The following SLC6A12 variants were observed in gnomAD, a reference collection of about 807,000 sequenced individuals.
SLC6A12 encodes sodium- and chloride-dependent betaine transporter.
A neutral mutation model predicts 73.3 loss-of-function variants in SLC6A12; 50 were observed. That is an observed-to-expected ratio of 0.68 (90% confidence interval 0.54 to 0.86). The LOEUF (loss-of-function observed/expected upper bound fraction) is 0.86, where lower values mean the gene tolerates loss of function less well. Among genes scored for constraint, SLC6A12 ranks in the 40% least tolerant of loss-of-function variants. SLC6A12 has a pLI of 0.00. For synonymous variants in SLC6A12, 304 were observed against 309.2 expected, an observed-to-expected ratio of 0.98 and a Z score of 0.18; for missense variants, 648 against 772.8, an observed-to-expected ratio of 0.84 and a Z score of 1.92.
rs746796087 is a variant in SLC6A12, at chr12:213,642, C to T, written c.-143+280G>A. ...TCAGATGACCACCCCTGCTTTCACCCACTGCCGTGACCAGCTGCCCATCGC... is the reference window on the plus strand; with the variant it reads ...TCAGATGACCACCCCTGCTTTCACCTACTGCCGTGACCAGCTGCCCATCGC... On this transcript the variant is annotated intron_variant, in intron 1 of 15. Transcript: ENST00000684302. The surrounding 1 kb of genome is among the most constrained non-coding windows in gnomAD (Gnocchi z 5.3). 2 of 153,014 alleles carry T rather than the reference C, an allele frequency of 1.3e-5. No homozygotes were observed. The highest frequency in any genetic ancestry group is 1.5e-5 in the Non-Finnish European group (1 of 68,636). The allele number at this position is 153,014 out of a possible 1,614,324, so 9.5% of individuals were successfully genotyped here.
In SLC6A12 at chr12:190,842, G is replaced by A. The variant is rs148840380; in HGVS notation, c.*226C>T. 0.022 allele frequency: 8,013 copies of A among 371,616 alleles called. 132 individuals are homozygous for A. The highest frequency in any genetic ancestry group is 0.077 in the Middle Eastern group (112 of 1,448). 23.0% of individuals were successfully genotyped at this position (371,616 alleles called of 1,614,324 possible). A position where few individuals can be genotyped will look rare whatever the true frequency, so the allele number is the denominator to read the frequency against. ...ATGGTGCCTTCCCACAGGGAGTGGC[G>A]TCCCAACATGGCACGTCCCAGTGGT... On this transcript the variant is annotated 3_prime_UTR_variant, in exon 16 of 16. Coordinates refer to ENST00000684302, the MANE Select transcript of SLC6A12 (RefSeq NM_001122848.3).
At chr12:185,384 G>A (rs775615972), downstream of SLC6A12, among the ~76,000 whole-genome samples, 2 of 152,250 alleles carry the variant, frequency 1.3e-5, no homozygotes, top group Non-Finnish European at 2.9e-5. Context: ...GATGGGGACT[G>A]AGTCCTGCTT....
chr12:210,246 G>T, intron 2 of SLC6A12: 1 of 1,132,538 alleles, frequency 8.8e-7, no homozygotes, highest in Non-Finnish European at 1.2e-6. Flanking sequence ...CCAGGCCTTG[G>T]CAGATGAAGT....
At chr12:192,247 C>A (rs754998161) in intron 15 of SLC6A12, among the ~76,000 whole-genome samples, 7 of 152,200 alleles carry the variant, frequency 4.6e-5, no homozygotes, top group Non-Finnish European at 8.8e-5. Context: ...CCCAGATCAT[C>A]CATGGGAGGT....
chr12:185,665 T>A (rs971449149), downstream of SLC6A12, among the ~76,000 whole-genome samples: 1 of 148,580 alleles, frequency 6.7e-6, no homozygotes, highest in East Asian at 1.9e-4. Context: ...GTCTGTGGCA[T>A]CATCTGGCAA....
Position 197,130 on chromosome 12 carries a change from C to CATCTATCCATCT in SLC6A12, c.1075+246_1075+247insAGATGGATAGAT, listed in dbSNP as rs1366306049. 4.3e-4 allele frequency among the ~76,000 whole-genome samples: 35 copies of CATCTATCCATCT among 80,820 alleles called. 2 individuals carry two copies. The South Asian group carries it at 6.9e-3, about 16-fold the overall frequency. 53.0% of individuals were successfully genotyped at this position (80,820 alleles called of 152,430 possible). A position where few individuals can be genotyped will look rare whatever the true frequency, so the allele number is the denominator to read the frequency against. ...CCATCCATCCATCCATCCATCCATC[C>CATCTATCCATCT]ATCCATCCATCCATCCATCCATCCA... On this transcript the variant is annotated intron_variant, in intron 10 of 15. Transcript: ENST00000684302.
rs762988486 is a variant in SLC6A12, at chr12:192,612, G to A, written c.1567C>T (p.Leu523Phe). 3.1e-6 allele frequency: 5 copies of A among 1,614,020 alleles called. No homozygotes were observed. The highest frequency in any genetic ancestry group is 3.3e-5 in the Admixed American group (2 of 60,020). Residue 523 changes from leucine to phenylalanine, a missense_variant, in exon 15 of 16, where the codon CTC becomes TTC. Coordinates refer to ENST00000684302, the MANE Select transcript of SLC6A12 (RefSeq NM_001122848.3). Reference protein sequence around the residue: ...FLFSLSKYTPLKYNNVYVYPP... With the variant: ...FLFSLSKYTPFKYNNVYVYPP... ...TACACATAGACGTTGTTGTACTTGA[G>A]GGGGGTGTACTTGCTCAAGGAGAAG...
In SLC6A12 at chr12:190,866, G is replaced by T. The variant is rs578056373; in HGVS notation, c.*202C>A. ...CGTCCCAACATGGCACGTCCCAGTGGTGGTGTTATCAGCAAAGGGGAAGGA... is the reference window on the plus strand; with the variant it reads ...CGTCCCAACATGGCACGTCCCAGTGTTGGTGTTATCAGCAAAGGGGAAGGA... On this transcript the variant is annotated 3_prime_UTR_variant, in exon 16 of 16. Transcript: ENST00000684302. 5.5e-4 allele frequency: 216 copies of T among 393,772 alleles called. No homozygotes were observed. Among genetic ancestry groups the T allele is most frequent in the Non-Finnish European group, 6.6e-4 (149 of 226,152 alleles). The allele number at this position is 393,772 out of a possible 1,614,324, so 24.4% of individuals were successfully genotyped here. A position where few individuals can be genotyped will look rare whatever the true frequency, so the allele number is the denominator to read the frequency against.
chr12:188,522 C>T (rs1939484131), downstream of SLC6A12, among the ~76,000 whole-genome samples: 1 of 152,198 alleles, frequency 6.6e-6, no homozygotes, highest in South Asian at 2.1e-4. Context: ...AAGGGGCTCC[C>T]ACAGTGCAGC....
chr12:200,734 G>T lies in SLC6A12; in HGVS notation c.628C>A (p.Arg210Ser), dbSNP rs781320561. The T allele has an allele frequency of 6.2e-7, 1 of 1,614,076 alleles. No individual in the cohort carries two copies. Among genetic ancestry groups the T allele is most frequent in the Non-Finnish European group, 8.5e-7 (1 of 1,179,982 alleles). ...AGGAGGCACAGGGCCAGCTCCCAGC[G>T]CAGGGAGCCCAGGTCATGGATGCCC... Reference protein sequence around the residue: ...TSGIHDLGSLRWELALCLLLA... With the variant: ...TSGIHDLGSLSWELALCLLLA... The change falls in exon 7 of 16, where the codon CGC (arginine) becomes AGC (serine). Residue 210 changes from arginine to serine, a missense_variant. Transcript: ENST00000684302.
At chr12:195,195 T>A in intron 13 of SLC6A12, 30 bp downstream of exon 13, 7 of 1,344,100 alleles carry the variant, frequency 5.2e-6, no homozygotes, top group Non-Finnish European at 6.4e-6. Context: ...TCTCCCACCC[T>A]GCTTTCCCAC....
intron 13 of SLC6A12, chr12:193,977 A>G (rs2284328): frequency 0.48 from 73,575 of 152,172 alleles, 18,228 homozygotes; most frequent in African/African-American, 0.58. Flanking sequence ...CATTTGCTGT[A>G]GTTCTAGGCA....
intron 1 of SLC6A12, among the ~76,000 whole-genome samples, chr12:212,409 C>T (rs926103621): frequency 3.3e-5 from 5 of 152,064 alleles, no homozygotes; most frequent in African/African-American, 9.7e-5. Context: ...GGCAGGGAAG[C>T]GAATCACAGA....
Position 198,472 on chromosome 12 carries a change from G to A in SLC6A12, c.846+325C>T, listed in dbSNP as rs896608812. 2.6e-5 allele frequency among the ~76,000 whole-genome samples: 4 copies of A among 152,338 alleles called. No homozygotes were observed. Among genetic ancestry groups the A allele is most frequent in the Admixed American group, 1.3e-4 (2 of 15,300 alleles). ...CCAGCTGCTCAGGAGGCTGAGGCGA[G>A]AGAATGCCTTGAGCCCAAGAGGTTG... On this transcript the variant is annotated intron_variant, in intron 8 of 15. Transcript: ENST00000684302. This position sits in a 1 kb window ranked among gnomAD's most constrained non-coding sequence, Gnocchi z 4.0.
intron 2 of SLC6A12, among the ~76,000 whole-genome samples, chr12:211,496 T>C (rs1940902786): frequency 6.6e-6 from 1 of 152,080 alleles, no homozygotes; most frequent in Non-Finnish European, 1.5e-5. Flanking sequence ...GAGTCTCTGT[T>C]ATGAGGGAGA....
downstream of SLC6A12, among the ~76,000 whole-genome samples, chr12:185,557 G>A (rs1005469041): frequency 2.0e-5 from 3 of 152,220 alleles, no homozygotes; most frequent in Non-Finnish European, 2.9e-5. Context: ...AGAAGTTCCG[G>A]CTAGACTCTT....
chr12:196,732 G>C (rs1939886179), intron 11 of SLC6A12, 38 bp downstream of exon 11: 14 of 1,447,120 alleles, frequency 9.7e-6, no homozygotes, highest in Non-Finnish European at 1.4e-5. Flanking sequence ...TTGCAAGAGG[G>C]TCACCACGGC....
In SLC6A12 at chr12:200,761, A is replaced by AG; in HGVS notation, c.600dup (p.Ser201LeufsTer5). The AG allele has an allele frequency of 6.2e-7, 1 of 1,613,994 alleles. No homozygotes were observed. Among genetic ancestry groups the AG allele is most frequent in the Non-Finnish European group, 8.5e-7 (1 of 1,179,972 alleles). ...AGGGAGCCCAGGTCATGGATGCCCG[A>AG]GGTGATGCCCAGAACTCGTCTCCTG... On this transcript the variant is annotated frameshift_variant, in exon 7 of 16. Transcript: ENST00000684302. LOFTEE classifies it high-confidence loss of function.
At chr12:184,833 T>C in the SLC6A12 span, among the ~76,000 whole-genome samples, 5 of 151,866 alleles carry the variant, frequency 3.3e-5, no homozygotes, top group East Asian at 3.9e-4. Context: ...CTGGGGAGGA[T>C]GAGGCAGGAG....
Sources: gnomAD v4.1 joint callset for allele counts (sites outside exome capture counted in the v4.1 genomes callset) on GRCh38, gnomAD v4.1.1 for gene constraint, Gnocchi (gnomAD v3.1) non-coding constraint, MANE v1.5 for transcripts, NCBI Gene and HGNC (gene_info 2026-07-23, HGNC 2026-07-21) for gene names.